The following RHOJ variants were observed in gnomAD, a reference collection of about 807,000 sequenced individuals.
The protein encoded by RHOJ is rho-related GTP-binding protein RhoJ.
Under a neutral mutation model 23.4 loss-of-function variants are expected in RHOJ, and 11 were observed. That is an observed-to-expected ratio of 0.47 (90% CI 0.30 to 0.78). The LOEUF is 0.78. Among genes scored for constraint, RHOJ ranks in the 30% least tolerant of loss-of-function variants. The pLI, the probability that RHOJ is intolerant of heterozygous loss-of-function variation, is 0.08. For missense variants in RHOJ, 254 were observed against 273.4 expected (o/e 0.93, Z 0.50); for synonymous variants, 102 against 102.7 (o/e 0.99, Z 0.04).
intron 1 of RHOJ, among the ~76,000 whole-genome samples, chr14:63,224,715 T>C (rs563830490): frequency 5.3e-5 from 8 of 152,304 alleles, no homozygotes; most frequent in African/African-American, 1.9e-4. Flanking sequence ...CCTACTAGGA[T>C]AGATCCAGAA....
intron 1 of RHOJ, among the ~76,000 whole-genome samples, chr14:63,241,142 G>T (rs1301225024): frequency 6.6e-6 from 1 of 152,224 alleles, no homozygotes; most frequent in Non-Finnish European, 1.5e-5. Flanking sequence ...GAAAAGTCCA[G>T]TGCAGTGGAG....
In RHOJ at chr14:63,283,150, G is replaced by A. The variant is rs377266290; in HGVS notation, c.432G>A (p.Leu144=). 11 of 1,614,044 alleles carry A rather than the reference G, an allele frequency of 6.8e-6. No homozygotes were observed. The highest frequency in any genetic ancestry group is 7.6e-6 in the Non-Finnish European group (9 of 1,179,932). Residue 144 remains leucine (L), a synonymous_variant, in exon 4 of 5, where the codon TTG becomes TTA. Transcript: ENST00000316754. Reference sequence around the variant, plus strand: ...ATCTCCGTGATGACCCAAAAACCTTGGCCCGTTTGCTGTATATGAAAGAGA... The same window carrying A: ...ATCTCCGTGATGACCCAAAAACCTTAGCCCGTTTGCTGTATATGAAAGAGA... ...QIDLRDDPKT[L]ARLLYMKEKP... is the part of the protein sequence containing the mutation.
intron 1 of RHOJ, among the ~76,000 whole-genome samples, chr14:63,218,816 A>T (rs988707373): frequency 2.0e-5 from 3 of 152,242 alleles, no homozygotes; most frequent in Non-Finnish European, 4.4e-5. Context: ...CTTGGAGCCT[A>T]CTACTTCATC....
chr14:63,286,151 C>G (rs369891706), intron 4 of RHOJ, among the ~76,000 whole-genome samples: 1 of 152,226 alleles, frequency 6.6e-6, no homozygotes, highest in Non-Finnish European at 1.5e-5. Context: ...CTCTTCCTGA[C>G]TGGAAGAGTC....
intron 2 of RHOJ, 66 bp downstream of exon 2, chr14:63,269,234 T>G: frequency 8.5e-7 from 1 of 1,179,522 alleles, no homozygotes; most frequent in South Asian, 1.2e-5. Context: ...TCCATTTGCT[T>G]ATGCAGATGG....
Position 63,292,990 on chromosome 14 carries a change from C to G in RHOJ, c.*1966C>G, listed in dbSNP as rs1249116962. 6.6e-6 allele frequency: 1 copy of G among 151,690 alleles called. No individual in the cohort carries two copies. The highest frequency in any genetic ancestry group is 1.5e-5 in the Non-Finnish European group (1 of 67,964). 9.4% of individuals were successfully genotyped at this position (151,690 alleles called of 1,614,324 possible). On this transcript the variant is annotated 3_prime_UTR_variant, in exon 5 of 5. Coordinates refer to ENST00000316754, the MANE Select transcript of RHOJ (RefSeq NM_020663.5). The stretch of plus-strand genomic sequence containing the variant: ...AACCTACATTTCAAGTACTATTTCC[C>G]TTCTCTCCCATCTAATTGCTAAAGA...
chr14:63,213,872 C>T (rs575792345), intron 1 of RHOJ, among the ~76,000 whole-genome samples: 3 of 152,108 alleles, frequency 2.0e-5, no homozygotes, highest in Admixed American at 2.0e-4. Flanking sequence ...GTGGTATGGG[C>T]CAGGCTGACA....
At chr14:63,289,154 C>G (rs1006255863) in intron 4 of RHOJ, among the ~76,000 whole-genome samples, 1 of 152,202 alleles carries the variant, frequency 6.6e-6, no homozygotes, top group Non-Finnish European at 1.5e-5. Flanking sequence ...AAATATATCC[C>G]ACATCAGTGT....
At chr14:63,263,099 A>G (rs1353107724) in intron 1 of RHOJ, among the ~76,000 whole-genome samples, 1 of 152,130 alleles carries the variant, frequency 6.6e-6, no homozygotes, top group Non-Finnish European at 1.5e-5. Context: ...TCTCACAAGT[A>G]CTTTCTTTGG....
At chr14:63,262,284 CG>C (rs1566623422) in intron 1 of RHOJ, among the ~76,000 whole-genome samples, 2 of 152,252 alleles carry the variant, frequency 1.3e-5, no homozygotes, top group East Asian at 3.9e-4. Context: ...GGGAAGTAGA[CG>C]TAAGTTCTAC....
intron 1 of RHOJ, among the ~76,000 whole-genome samples, chr14:63,264,180 C>T (rs1224767890): frequency 6.6e-6 from 1 of 152,090 alleles, no homozygotes; most frequent in Non-Finnish European, 1.5e-5. Context: ...CTTTCTCCCT[C>T]CCCACTCTAG....
At chr14:63,260,850 T>A (rs548235630) in intron 1 of RHOJ, among the ~76,000 whole-genome samples, 14 of 151,386 alleles carry the variant, frequency 9.2e-5, no homozygotes, top group African/African-American at 3.0e-4. Flanking sequence ...CAGGTTTTTT[T>A]TTTTTACCAT....
chr14:63,228,530 C>T (rs182277166), intron 1 of RHOJ, among the ~76,000 whole-genome samples: 127 of 151,772 alleles, frequency 8.4e-4, no homozygotes, highest in Middle Eastern at 3.4e-3. Flanking sequence ...AATGAGGAAG[C>T]GCTTAAAGAA....
chr14:63,271,376 G>A (rs1012438496), intron 2 of RHOJ, among the ~76,000 whole-genome samples: 5 of 152,182 alleles, frequency 3.3e-5, no homozygotes, highest in African/African-American at 1.2e-4. Flanking sequence ...AGACCCATGG[G>A]AGACCTTTCA....
chr14:63,225,038 C>T (rs955984056), intron 1 of RHOJ, among the ~76,000 whole-genome samples: 1 of 151,336 alleles, frequency 6.6e-6, no homozygotes, highest in East Asian at 1.9e-4. Context: ...CTGCAAGCTC[C>T]GCCTTCCGGT....
At chr14:63,214,736 C>T (rs1032632226) in intron 1 of RHOJ, among the ~76,000 whole-genome samples, 2 of 152,116 alleles carry the variant, frequency 1.3e-5, no homozygotes, top group African/African-American at 4.8e-5. Context: ...AGTGGGAATT[C>T]TGATGCGTAG....
chr14:63,287,269 T>C (rs1474713170), intron 4 of RHOJ, among the ~76,000 whole-genome samples: 2 of 152,234 alleles, frequency 1.3e-5, no homozygotes, highest in East Asian at 3.8e-4. Context: ...AATTCGAATC[T>C]CTGCCATTTT....
intron 1 of RHOJ, among the ~76,000 whole-genome samples, chr14:63,262,200 A>G (rs1895284796): frequency 6.6e-6 from 1 of 152,238 alleles, no homozygotes; most frequent in Non-Finnish European, 1.5e-5. Context: ...TTGATGGTTT[A>G]CAGGGCATGA....
At chr14:63,246,038 A>T (rs1337334366) in intron 1 of RHOJ, among the ~76,000 whole-genome samples, 1 of 152,152 alleles carries the variant, frequency 6.6e-6, no homozygotes, top group East Asian at 1.9e-4. Context: ...GACCCGGCTT[A>T]GGAGTCTCCT....
Sources: allele counts gnomAD v4.1 joint callset (sites outside exome capture counted in the v4.1 genomes callset), GRCh38; gene constraint gnomAD v4.1.1; transcripts MANE v1.5; gene names NCBI Gene and HGNC (gene_info 2026-07-23, HGNC 2026-07-21).